The following CNTNAP3B variants were observed in gnomAD, a reference collection of about 807,000 sequenced individuals.
CNTNAP3B encodes the protein contactin associated protein family member 3B.
A neutral mutation model predicts 108.9 loss-of-function variants in CNTNAP3B; 25 were observed. The ratio of observed to expected loss-of-function variants is 0.23; its 90% CI spans 0.17 to 0.32. The LOEUF (loss-of-function observed/expected upper bound fraction) is 0.32. CNTNAP3B is among the 10% of genes least tolerant of loss of function. CNTNAP3B has a pLI of 1.00. For synonymous variants in CNTNAP3B, 103 were observed against 473.4 expected, an observed-to-expected ratio of 0.22 and a Z score of 10.16; for missense variants, 252 against 1,210.4, an observed-to-expected ratio of 0.21 and a Z score of 11.75.
At position 42,097,818 on chromosome 9, in the gene CNTNAP3B, G is replaced by A. The variant is rs1477837816; in HGVS notation, c.196+6811C>T. 5.1e-5 allele frequency among the ~76,000 whole-genome samples: 7 copies of A among 136,954 alleles called. 1 individual carries two copies. The highest frequency in any genetic ancestry group is 1.1e-4 in the Non-Finnish European group (7 of 64,328). The allele number at this position is 136,954 out of a possible 152,430, so 89.8% of individuals were successfully genotyped here. A position where few individuals can be genotyped will look rare whatever the true frequency, so the allele number is the denominator to read the frequency against. On this transcript the variant is annotated intron_variant, in intron 2 of 23. Transcript: ENST00000377561. ...TCATCAACTGAGCATGGAATAAGAA[G>A]AGAATAGCACTTTAAAGAACATTAA...
At chr9:41,990,743 C>T in intron 8 of CNTNAP3B, among the ~76,000 whole-genome samples, 1 of 135,078 alleles carries the variant, frequency 7.4e-6, no homozygotes, top group Non-Finnish European at 1.6e-5. Context: ...GTGCTCCTCC[C>T]ATCTGCAAAT....
Position 41,915,878 on chromosome 9 carries a change from A to C in CNTNAP3B, c.2995+4192T>G, listed in dbSNP as rs1429466178. 1.4e-4 allele frequency among the ~76,000 whole-genome samples: 21 copies of C among 150,758 alleles called. No homozygotes were observed. In the South Asian group the frequency reaches 2.6e-3, roughly 19 times the overall value. ...TAGGCCTTTTAATATACTTCATGAC[A>C]ATGTTTTATTTTCTTTAGTGATTGC... On this transcript the variant is annotated intron_variant, in intron 18 of 23. Transcript: ENST00000377561.
rs1160325353 is a variant in CNTNAP3B at position 42,109,121 on chromosome 9, G to A, written c.86-4382C>T. The stretch of plus-strand genomic sequence containing the variant: ...ATTCTTGCACTTATTTAATAAAAGT[G>A]TATTGAGCACCTACCATGTTCAAAG... On this transcript the variant is annotated intron_variant, in intron 1 of 23. Coordinates refer to ENST00000377561, the MANE Select transcript of CNTNAP3B (RefSeq NM_001201380.3). 3.6e-5 allele frequency among the ~76,000 whole-genome samples: 5 copies of A among 138,894 alleles called. 1 individual carries two copies. Among genetic ancestry groups the A allele is most frequent in the Non-Finnish European group, 7.7e-5 (5 of 64,882 alleles). 91.1% of individuals were successfully genotyped at this position (138,894 alleles called of 152,430 possible).
At chr9:42,054,118 AGTCTACTTTGG>A (rs1827011168) in intron 3 of CNTNAP3B, among the ~76,000 whole-genome samples, 1 of 132,728 alleles carries the variant, frequency 7.5e-6, no homozygotes, top group Non-Finnish European at 1.6e-5. Context: ...CCCATTGTTC[AGTCTACTTTGG>A]GATTTCTTCA....
chr9:41,945,438 G>A (rs1468107438), intron 13 of CNTNAP3B, among the ~76,000 whole-genome samples: 3 of 152,422 alleles, frequency 2.0e-5, no homozygotes, highest in African/African-American at 7.2e-5. Flanking sequence ...ATGCAGCCAT[G>A]AAAAAGGATG....
chr9:41,973,989 C>T (rs1245309586), intron 9 of CNTNAP3B, among the ~76,000 whole-genome samples: 1 of 133,266 alleles, frequency 7.5e-6, no homozygotes, highest in Non-Finnish European at 1.6e-5. Flanking sequence ...GGACTACAGG[C>T]TCCCGCCACC....
At chr9:42,038,575 G>A (rs1171456454) in intron 3 of CNTNAP3B, among the ~76,000 whole-genome samples, 2 of 123,188 alleles carry the variant, frequency 1.6e-5, no homozygotes, top group Non-Finnish European at 1.7e-5. Flanking sequence ...AACAAGAACA[G>A]CTAACTATCC....
At chr9:42,106,448 C>A (rs1225044663) in intron 1 of CNTNAP3B, among the ~76,000 whole-genome samples, 1 of 112,682 alleles carries the variant, frequency 8.9e-6, no homozygotes, top group African/African-American at 3.7e-5. Context: ...GAAGAGCACC[C>A]AATATTTTTA....
intron 16 of CNTNAP3B, 65 bp downstream of exon 16, chr9:41,923,858 T>C (rs1475119574): frequency 6.3e-7 from 1 of 1,582,608 alleles, no homozygotes; most frequent in African/African-American, 1.4e-5. Context: ...TACCATTTTG[T>C]TGAGTTAAAG....
intron 3 of CNTNAP3B, among the ~76,000 whole-genome samples, chr9:42,062,152 T>C (rs1291359869): frequency 5.0e-5 from 2 of 39,804 alleles, no homozygotes; most frequent in South Asian, 7.4e-4. Context: ...AGTGATTCTC[T>C]TGACTCAGCC....
At chr9:42,096,015 G>A (rs1827891245) in intron 2 of CNTNAP3B, among the ~76,000 whole-genome samples, 1 of 138,620 alleles carries the variant, frequency 7.2e-6, no homozygotes, top group Admixed American at 7.2e-5. Context: ...CCAGACCTCA[G>A]GCAGGAACAT....
At chr9:42,112,474 G>A (rs1290460743) in intron 1 of CNTNAP3B, among the ~76,000 whole-genome samples, 1 of 138,980 alleles carries the variant, frequency 7.2e-6, no homozygotes, top group Non-Finnish European at 1.5e-5. Context: ...ATGATTCTGG[G>A]GTGAGGAAGA....
chr9:41,963,390 A>G (rs1277486537), intron 11 of CNTNAP3B, among the ~76,000 whole-genome samples: 1 of 151,844 alleles, frequency 6.6e-6, no homozygotes, highest in Non-Finnish European at 1.5e-5. Context: ...AAATAGGAAA[A>G]AAAAGGCTTT....
At chr9:42,071,374 G>C (rs1827376508) in intron 3 of CNTNAP3B, among the ~76,000 whole-genome samples, 1 of 141,076 alleles carries the variant, frequency 7.1e-6, no homozygotes. Context: ...ATACTGAATA[G>C]CTAGTACAAA....
intron 15 of CNTNAP3B, among the ~76,000 whole-genome samples, chr9:41,924,896 G>A (rs1362565064): frequency 2.0e-5 from 3 of 152,254 alleles, no homozygotes; most frequent in Non-Finnish European, 4.4e-5. Context: ...CTTTCAGAAT[G>A]TTCCTCAACT....
chr9:42,103,235 A>T (rs1225962808), intron 2 of CNTNAP3B, among the ~76,000 whole-genome samples: 1 of 146,700 alleles, frequency 6.8e-6, no homozygotes, highest in Non-Finnish European at 1.5e-5. Context: ...AACAGAGCCC[A>T]TATCTCTGCA....
In CNTNAP3B at chr9:42,077,557, T is replaced by C. The variant is rs1478683852; in HGVS notation, c.197-495A>G. Among the ~76,000 whole-genome samples, 6 of 131,904 alleles carry C rather than the reference T, an allele frequency of 4.5e-5. 1 individual carries two copies. The highest frequency in any genetic ancestry group is 9.1e-5 in the African/African-American group (3 of 32,818). 86.5% of individuals were successfully genotyped at this position (131,904 alleles called of 152,430 possible). On this transcript the variant is annotated intron_variant, in intron 2 of 23. Transcript: ENST00000377561. ...TTTGTGAGGCAATCCCACTTACATG[T>C]GGAATTCTAAAAAGTTGATTTCACA...
chr9:41,924,691 A>T (rs79449505), intron 15 of CNTNAP3B, among the ~76,000 whole-genome samples: 503 of 136,728 alleles, frequency 3.7e-3, no homozygotes, highest in African/African-American at 8.5e-3. Flanking sequence ...ACACACACAC[A>T]GTCTTAATTC....
At chr9:41,961,569 T>C (rs1825092434) in intron 11 of CNTNAP3B, among the ~76,000 whole-genome samples, 1 of 152,306 alleles carries the variant, frequency 6.6e-6, no homozygotes, top group South Asian at 2.1e-4. Context: ...GTAAAGTTTT[T>C]CTTAAGCTAT....
Sources: allele counts gnomAD v4.1 joint callset (sites outside exome capture counted in the v4.1 genomes callset), GRCh38; gene constraint gnomAD v4.1.1; transcripts MANE v1.5; gene names NCBI Gene and HGNC (gene_info 2026-07-23, HGNC 2026-07-21).